FAM107B: variants seen among roughly 807,000 people sequenced by gnomAD.
The protein encoded by FAM107B is protein FAM107B.
In FAM107B, 21 loss-of-function variants were observed where a neutral mutation model predicts 31.5. The observed-to-expected ratio is 0.67, with a 90% confidence interval of 0.47 to 0.96. The LOEUF is 0.96. Among genes scored for constraint, FAM107B ranks in the 40% least tolerant of loss-of-function variants. The pLI, the probability that FAM107B is intolerant of heterozygous loss-of-function variation, is 0.00. For synonymous variants in FAM107B, 157 were observed against 141.5 expected, an observed-to-expected ratio of 1.11 and a Z score of -0.78; for missense variants, 452 against 377.1, an observed-to-expected ratio of 1.20 and a Z score of -1.64.
At chr10:14,762,754 TCACACACACACACA>T (rs35574582) in intron 1 of FAM107B, among the ~76,000 whole-genome samples, 30 of 116,236 alleles carry the variant, frequency 2.6e-4, no homozygotes, top group Admixed American at 9.2e-4. Context: ...AAACTCTGTC[TCACACACACACACA>T]CACACACACA....
chr10:14,765,383 G>T (rs1402767703), intron 1 of FAM107B, among the ~76,000 whole-genome samples: 4 of 152,160 alleles, frequency 2.6e-5, no homozygotes, highest in African/African-American at 9.7e-5. Flanking sequence ...GTTTATGAGA[G>T]CTATCCATTT....
At chr10:14,571,453 T>C (rs941006888) in intron 2 of FAM107B, among the ~76,000 whole-genome samples, 3 of 152,160 alleles carry the variant, frequency 2.0e-5, no homozygotes, top group Non-Finnish European at 4.4e-5. Flanking sequence ...TAAAAGTTAG[T>C]GAATCCAAAA....
At chr10:14,631,755 C>G (rs1853359137) in intron 2 of FAM107B, among the ~76,000 whole-genome samples, 2 of 152,220 alleles carry the variant, frequency 1.3e-5, no homozygotes, top group Admixed American at 1.3e-4. Context: ...TGCACCCCTC[C>G]TAACCCCATG....
At chr10:14,760,442 A>G (rs1056747163) in intron 1 of FAM107B, among the ~76,000 whole-genome samples, 4 of 152,244 alleles carry the variant, frequency 2.6e-5, no homozygotes, top group African/African-American at 9.6e-5. Flanking sequence ...AACATAAATA[A>G]TGATACCACT....
At chr10:14,740,069 C>T (rs750201902) in intron 1 of FAM107B, among the ~76,000 whole-genome samples, 19 of 152,192 alleles carry the variant, frequency 1.2e-4, no homozygotes, top group Non-Finnish European at 2.6e-4. Context: ...CAATTTCTTA[C>T]AAAGCTAAAC....
chr10:14,677,872 C>T (rs1375165508), intron 1 of FAM107B, among the ~76,000 whole-genome samples: 3 of 152,208 alleles, frequency 2.0e-5, no homozygotes, highest in African/African-American at 4.8e-5. Context: ...GTTTCTGGTG[C>T]ACTCTAAAGC....
chr10:14,732,083 C>T (rs921590897), intron 1 of FAM107B, among the ~76,000 whole-genome samples: 5 of 152,200 alleles, frequency 3.3e-5, no homozygotes, highest in African/African-American at 4.8e-5. Flanking sequence ...AATAACAACA[C>T]CTTGCACTCT....
At chr10:14,684,873 T>G (rs529416908) in intron 1 of FAM107B, among the ~76,000 whole-genome samples, 148 of 151,878 alleles carry the variant, frequency 9.7e-4, no homozygotes, top group Non-Finnish European at 5.1e-4. Context: ...CAGGCTGGAG[T>G]GCAGGGGAGC....
At chr10:14,674,592 T>C (rs1172840902) in intron 1 of FAM107B, among the ~76,000 whole-genome samples, 2 of 152,208 alleles carry the variant, frequency 1.3e-5, no homozygotes, top group Non-Finnish European at 2.9e-5. Flanking sequence ...GCACTTAGCG[T>C]GAGTACAAAC....
chr10:14,613,288 A>C (rs186467773), intron 2 of FAM107B, among the ~76,000 whole-genome samples: 35 of 152,308 alleles, frequency 2.3e-4, no homozygotes, highest in African/African-American at 8.2e-4. Flanking sequence ...CTTTCAATGA[A>C]TTGAATTGGC....
At chr10:14,643,330 C>A (rs1301461976) in intron 2 of FAM107B, among the ~76,000 whole-genome samples, 2 of 151,752 alleles carry the variant, frequency 1.3e-5, no homozygotes, top group Admixed American at 1.3e-4. Context: ...CTCAAGCAGT[C>A]CGGCAGGAGG....
At chr10:14,618,762 G>A (rs1228013775) in intron 2 of FAM107B, among the ~76,000 whole-genome samples, 1 of 152,072 alleles carries the variant, frequency 6.6e-6, no homozygotes, top group Non-Finnish European at 1.5e-5. Flanking sequence ...GCTTGAACCC[G>A]GGAGACAGAG....
intron 1 of FAM107B, among the ~76,000 whole-genome samples, chr10:14,677,927 G>A (rs990567888): frequency 2.6e-5 from 4 of 152,212 alleles, no homozygotes; most frequent in African/African-American, 7.2e-5. Flanking sequence ...AATGATGGGC[G>A]GGTGTTGTTA....
intron 2 of FAM107B, among the ~76,000 whole-genome samples, chr10:14,557,292 G>A (rs1849786617): frequency 6.6e-6 from 1 of 152,158 alleles, no homozygotes; most frequent in Non-Finnish European, 1.5e-5. Flanking sequence ...TTTGTACCTC[G>A]CTGGATCTTC....
At chr10:14,540,128 A>C (rs1848032292) in intron 2 of FAM107B, among the ~76,000 whole-genome samples, 1 of 152,186 alleles carries the variant, frequency 6.6e-6, no homozygotes. Context: ...TCAACCAAAG[A>C]GGTGCATTTG....
intron 2 of FAM107B, among the ~76,000 whole-genome samples, chr10:14,539,069 A>G (rs1400740280): frequency 2.0e-5 from 3 of 152,210 alleles, no homozygotes; most frequent in East Asian, 3.8e-4. Flanking sequence ...AGTCCCAACA[A>G]ACTAATTCAT....
intron 2 of FAM107B, among the ~76,000 whole-genome samples, chr10:14,563,023 T>A (rs1177430217): frequency 1.3e-5 from 2 of 152,246 alleles, no homozygotes; most frequent in African/African-American, 4.8e-5. Context: ...TCAAAACTTG[T>A]CTATTCAATC....
rs371325985 is a variant in FAM107B, at chr10:14,773,989, C to G, written c.411+264G>C. Among the ~76,000 whole-genome samples, 166 of 152,266 alleles carry G rather than the reference C, an allele frequency of 1.1e-3. 2 individuals carry two copies. In the South Asian group the frequency reaches 0.033, roughly 31 times the overall value. On this transcript the variant is annotated intron_variant, in intron 1 of 4. Coordinates refer to ENST00000181796, the MANE Select transcript of FAM107B (RefSeq NM_031453.4). ...GTTATTGAGTGAGCCATTTTTGGCT[C>G]TAAGGCACCCTAGCCCGTTAATTCA...
intron 2 of FAM107B, among the ~76,000 whole-genome samples, chr10:14,640,480 T>C (rs1853601371): frequency 6.6e-6 from 1 of 152,182 alleles, no homozygotes; most frequent in African/African-American, 2.4e-5. Flanking sequence ...GCTTGAGTTC[T>C]CTTGGAAACA....
Sources: gnomAD v4.1 joint callset for allele counts (sites outside exome capture counted in the v4.1 genomes callset) on GRCh38, gnomAD v4.1.1 for gene constraint, MANE v1.5 for transcripts, NCBI Gene and HGNC (gene_info 2026-07-23, HGNC 2026-07-21) for gene names.